Variants in PMF1 observed in about 807,000 individuals in gnomAD.
PMF1 encodes the protein polyamine modulated factor 1.
PMF1 carries 21 observed loss-of-function variants against 26.7 expected under a neutral mutation model. The ratio of observed to expected loss-of-function variants is 0.79; its 90% confidence interval spans 0.56 to 1.13. The LOEUF is 1.13. PMF1 is among the 50% of genes most tolerant of loss of function. PMF1 has a pLI of 0.00. For missense variants in PMF1, 266 were observed against 254.9 expected (o/e 1.04, Z -0.30); for synonymous variants, 105 against 101.0 (o/e 1.04, Z -0.24).
intron 1 of PMF1, among the ~76,000 whole-genome samples, chr1:156,214,452 A>T (rs1657571645): frequency 6.6e-6 from 1 of 152,096 alleles, no homozygotes; most frequent in Non-Finnish European, 1.5e-5. Flanking sequence ...ATTTGTCTTC[A>T]CTCATGACTC....
intron 1 of PMF1, among the ~76,000 whole-genome samples, chr1:156,224,433 G>A (rs1002284963): frequency 6.6e-5 from 10 of 152,126 alleles, no homozygotes; most frequent in East Asian, 1.9e-4. Flanking sequence ...TTAATACAAC[G>A]ATTCATCTTG....
chr1:156,219,176 C>T lies in PMF1; in HGVS notation c.161+6000C>T, dbSNP rs534473055. Among the ~76,000 whole-genome samples the T allele has an allele frequency of 7.3e-3, 1,108 of 152,186 alleles. 6 individuals carry two copies. The highest frequency in any genetic ancestry group is 0.012 in the Non-Finnish European group (785 of 67,992). On this transcript the variant is annotated intron_variant, in intron 1 of 4. Transcript: ENST00000368277. ...TCAGGTGATTCGCCCGCCTCAGCCT[C>T]CCAAAGTGCTGGGATTACAGGTGTG...
chr1:156,230,048 T>C (rs1275430224), intron 1 of PMF1, among the ~76,000 whole-genome samples: 1 of 152,138 alleles, frequency 6.6e-6, no homozygotes, highest in East Asian at 1.9e-4. Context: ...AAAAACATTG[T>C]TTGGGGGCGG....
intron 1 of PMF1, among the ~76,000 whole-genome samples, chr1:156,227,630 G>A (rs1453175767): frequency 6.6e-6 from 1 of 150,582 alleles, no homozygotes; most frequent in Non-Finnish European, 1.5e-5. Flanking sequence ...CTGAGTAGCT[G>A]GGATTACAGG....
At chr1:156,236,691 C>G (rs1267944798) in intron 4 of PMF1, 1 of 668,352 alleles carries the variant, frequency 1.5e-6, no homozygotes, top group African/African-American at 1.8e-5. Context: ...AGATCCTCCA[C>G]CAGGCACAGG....
At chr1:156,236,022 T>C (rs1658987757) in intron 3 of PMF1, among the ~76,000 whole-genome samples, 1 of 151,978 alleles carries the variant, frequency 6.6e-6, no homozygotes, top group Non-Finnish European at 1.5e-5. Flanking sequence ...GAGGGGAATG[T>C]GGGGTATGGT....
At chr1:156,231,078 G>A (rs988166353) in intron 1 of PMF1, among the ~76,000 whole-genome samples, 7 of 151,872 alleles carry the variant, frequency 4.6e-5, no homozygotes, top group Non-Finnish European at 8.8e-5. Flanking sequence ...TTAGCTGGGC[G>A]TGGTGGTGGG....
chr1:156,226,340 G>A (rs1658371358), intron 1 of PMF1, among the ~76,000 whole-genome samples: 1 of 152,196 alleles, frequency 6.6e-6, no homozygotes. Context: ...GTTTTTAAAA[G>A]TTACTTTCAT....
intron 1 of PMF1, among the ~76,000 whole-genome samples, chr1:156,221,260 T>C (rs1658068836): frequency 6.6e-6 from 1 of 152,216 alleles, no homozygotes; most frequent in African/African-American, 2.4e-5. Flanking sequence ...GCTGCACTCA[T>C]ACTCACTCAT....
At position 156,213,065 on chromosome 1, in the gene PMF1, G is replaced by C. The variant is rs1001667083; in HGVS notation, c.50G>C (p.Arg17Thr). ...ANLGSGCEEK[R>T]HEGSSSESVP... ...CTAGGCAGCGGCTGTGAGGAAAAAA[G>C]GCATGAGGGGTCGTCTTCGGAATCT... The change falls in exon 1 of 5, where the codon AGG becomes ACG. Residue 17 changes from arginine to threonine, a missense_variant. Arg to Thr is a moderately conservative substitution (Grantham distance 71, BLOSUM62 -1). Transcript: ENST00000368277. 5.6e-6 allele frequency: 9 copies of C among 1,614,226 alleles called. No homozygotes were observed. Among genetic ancestry groups the C allele is most frequent in the Non-Finnish European group, 7.6e-6 (9 of 1,180,022 alleles).
intron 1 of PMF1, among the ~76,000 whole-genome samples, chr1:156,227,431 G>A (rs529501014): frequency 1.5e-3 from 230 of 151,786 alleles, no homozygotes; most frequent in Non-Finnish European, 2.4e-3. Context: ...TTGAACCCAG[G>A]AGGCGGAGGT....
intron 1 of PMF1, among the ~76,000 whole-genome samples, chr1:156,230,810 C>T (rs1279498412): frequency 6.6e-6 from 1 of 152,092 alleles, no homozygotes; most frequent in East Asian, 1.9e-4. Context: ...CCCTAGACTC[C>T]CAGCACTTTG....
chr1:156,218,219 A>G (rs796309120), intron 1 of PMF1, among the ~76,000 whole-genome samples: 26 of 152,340 alleles, frequency 1.7e-4, no homozygotes, highest in African/African-American at 5.8e-4. Flanking sequence ...ACTTTTTTAA[A>G]AATGGGTTTT....
chr1:156,225,119 C>T (rs1037799810), intron 1 of PMF1, among the ~76,000 whole-genome samples: 2 of 151,982 alleles, frequency 1.3e-5, no homozygotes, highest in South Asian at 2.1e-4. Flanking sequence ...AGGCTGGTCT[C>T]GAACTCCTGA....
chr1:156,232,459 C>T, intron 2 of PMF1, 34 bp downstream of exon 2: 1 of 1,604,508 alleles, frequency 6.2e-7, no homozygotes, highest in East Asian at 2.2e-5. Flanking sequence ...GTGCTGTTGA[C>T]TTGGGTTCTG....
chr1:156,233,613 C>T lies in PMF1; in HGVS notation c.268-15C>T, dbSNP rs761418864. Reference sequence around the variant, plus strand: ...CATCTCGTGTCATTACAGCTCTTTCCTCCTTTCTCTTCAGGAGGAAATCTC... The same window carrying T: ...CATCTCGTGTCATTACAGCTCTTTCTTCCTTTCTCTTCAGGAGGAAATCTC... On this transcript the variant is annotated splice_polypyrimidine_tract_variant and intron_variant, in intron 2 of 4. Transcript: ENST00000368277. 1.4e-5 allele frequency: 23 copies of T among 1,612,708 alleles called. No homozygotes were observed. The highest frequency in any genetic ancestry group is 2.0e-5 in the Non-Finnish European group (23 of 1,179,260).
intron 1 of PMF1, among the ~76,000 whole-genome samples, chr1:156,218,260 A>G (rs1477665972): frequency 6.6e-6 from 1 of 152,188 alleles, no homozygotes; most frequent in Non-Finnish European, 1.5e-5. Flanking sequence ...AGTTGCTAGT[A>G]TAGAAGGAAA....
intron 1 of PMF1, among the ~76,000 whole-genome samples, chr1:156,215,784 G>A (rs1205809504): frequency 2.6e-5 from 4 of 152,002 alleles, no homozygotes; most frequent in East Asian, 1.9e-4. Flanking sequence ...TGCCTCTTGG[G>A]TTCAAGCGAT....
intron 4 of PMF1, chr1:156,236,791 G>A (rs1659043853): frequency 2.5e-6 from 1 of 398,080 alleles, no homozygotes; most frequent in Admixed American, 3.8e-5. Context: ...CATCAGATTT[G>A]GAGTTAAAAC....
Sources: allele counts gnomAD v4.1 joint callset (sites outside exome capture counted in the v4.1 genomes callset), GRCh38; gene constraint gnomAD v4.1.1; transcripts MANE v1.5; gene names NCBI Gene and HGNC (gene_info 2026-07-23, HGNC 2026-07-21).